RCAN2: variants seen among roughly 807,000 people sequenced by gnomAD.
RCAN2 encodes the protein calcipressin-2.
Under a neutral mutation model 23.6 loss-of-function variants are expected in RCAN2, and 9 were observed. That is an observed-to-expected ratio of 0.38 (90% CI 0.23 to 0.67). The LOEUF (loss-of-function observed/expected upper bound fraction) is 0.67, where lower values mean the gene tolerates loss of function less well. RCAN2 is among the 30% of genes least tolerant of loss of function. RCAN2 has a pLI of 0.51. For synonymous variants in RCAN2, 109 were observed against 115.7 expected, an observed-to-expected ratio of 0.94 and a Z score of 0.37; for missense variants, 273 against 302.3, an observed-to-expected ratio of 0.90 and a Z score of 0.72.
At chr6:46,427,233 A>G (rs149168396) in intron 2 of RCAN2, among the ~76,000 whole-genome samples, 1 of 152,136 alleles carries the variant, frequency 6.6e-6, no homozygotes, top group Non-Finnish European at 1.5e-5. Context: ...CCACATTATC[A>G]TCTCTTACTT....
intron 1 of RCAN2, among the ~76,000 whole-genome samples, chr6:46,460,301 G>C (rs1267636484): frequency 2.6e-5 from 4 of 152,104 alleles, no homozygotes; most frequent in Admixed American, 2.6e-4. Flanking sequence ...GCCTCAAATA[G>C]TCCTCCCATT....
intron 2 of RCAN2, among the ~76,000 whole-genome samples, chr6:46,360,533 CAAAAAAAAAAAAA>C (rs765916099): frequency 3.9e-4 from 13 of 33,502 alleles, no homozygotes; most frequent in Non-Finnish European, 6.0e-4. Context: ...GACTCCGTCT[CAAAAAAAAAAAAA>C]AAAAAAAAAA....
intron 2 of RCAN2, among the ~76,000 whole-genome samples, chr6:46,405,951 C>T (rs559551108): frequency 3.0e-4 from 45 of 152,334 alleles, no homozygotes; most frequent in African/African-American, 1.0e-3. Flanking sequence ...TCGAGCACAG[C>T]GCCGGTGGGT....
At chr6:46,370,669 A>G (rs1765299826) in intron 2 of RCAN2, among the ~76,000 whole-genome samples, 1 of 152,188 alleles carries the variant, frequency 6.6e-6, no homozygotes, top group South Asian at 2.1e-4. Context: ...GAATGCACTG[A>G]CACTCTACTC....
intron 2 of RCAN2, among the ~76,000 whole-genome samples, chr6:46,386,280 C>G (rs12110426): frequency 3.3e-5 from 5 of 151,998 alleles, no homozygotes; most frequent in African/African-American, 1.2e-4. Flanking sequence ...CTCAACATCA[C>G]TGATCATTAG....
chr6:46,340,591 T>C (rs1764285310), intron 2 of RCAN2, among the ~76,000 whole-genome samples: 1 of 152,158 alleles, frequency 6.6e-6, no homozygotes, highest in African/African-American at 2.4e-5. Context: ...TTCTAGATCT[T>C]TGAAGGACTC....
chr6:46,350,965 CTG>C (rs1344081231), intron 2 of RCAN2, among the ~76,000 whole-genome samples: 2 of 152,132 alleles, frequency 1.3e-5, no homozygotes, highest in African/African-American at 4.8e-5. Flanking sequence ...GTCATCCTGT[CTG>C]TGTTTCTGTC....
chr6:46,363,301 A>G (rs1476634225), intron 2 of RCAN2, among the ~76,000 whole-genome samples: 1 of 152,202 alleles, frequency 6.6e-6, no homozygotes, highest in East Asian at 1.9e-4. Context: ...TGTGCATAGT[A>G]TAATTTAGCT....
At chr6:46,428,094 T>A (rs551133144) in intron 2 of RCAN2, among the ~76,000 whole-genome samples, 36 of 152,336 alleles carry the variant, frequency 2.4e-4, no homozygotes, top group African/African-American at 7.9e-4. Context: ...CTGTTAGGGC[T>A]AAGCTAGGAC....
chr6:46,453,142 C>G (rs2150430206), intron 2 of RCAN2, among the ~76,000 whole-genome samples: 1 of 152,244 alleles, frequency 6.6e-6, no homozygotes, highest in Middle Eastern at 3.4e-3. Context: ...CTTCTGCAGC[C>G]CAGCTGGATC....
intron 2 of RCAN2, among the ~76,000 whole-genome samples, chr6:46,310,743 G>C (rs904438683): frequency 1.3e-5 from 2 of 152,122 alleles, no homozygotes; most frequent in African/African-American, 4.8e-5. Flanking sequence ...ATTTGTCTAA[G>C]AGTTATTTTT....
chr6:46,227,635 CT>C (rs1765719142), intron 4 of RCAN2, among the ~76,000 whole-genome samples: 1 of 121,972 alleles, frequency 8.2e-6, no homozygotes, highest in South Asian at 3.1e-4. Context: ...GTGATATCCC[CT>C]TTATCATATT....
chr6:46,385,484 G>A (rs1483427235), intron 2 of RCAN2, among the ~76,000 whole-genome samples: 16 of 152,062 alleles, frequency 1.1e-4, no homozygotes, highest in Admixed American at 7.2e-4. Flanking sequence ...CTGGGAAAAC[G>A]GGCTAGCCAT....
At chr6:46,302,684 C>T (rs1157464195) in intron 2 of RCAN2, among the ~76,000 whole-genome samples, 1 of 152,032 alleles carries the variant, frequency 6.6e-6, no homozygotes, top group Non-Finnish European at 1.5e-5. Flanking sequence ...ATGGTATCAA[C>T]TGAAACTTGG....
chr6:46,367,457 C>T (rs1190746644), intron 2 of RCAN2, among the ~76,000 whole-genome samples: 2 of 152,092 alleles, frequency 1.3e-5, no homozygotes, highest in East Asian at 3.9e-4. Context: ...TCTTGAAAGT[C>T]CCAGTATTAA....
chr6:46,285,411 T>C (rs1180991723), intron 2 of RCAN2, among the ~76,000 whole-genome samples: 1 of 152,234 alleles, frequency 6.6e-6, no homozygotes, highest in East Asian at 1.9e-4. Flanking sequence ...GGCACAGTTC[T>C]CTGGTAATGT....
intron 2 of RCAN2, among the ~76,000 whole-genome samples, chr6:46,404,524 T>C (rs1766344099): frequency 6.6e-6 from 1 of 152,212 alleles, no homozygotes; most frequent in Non-Finnish European, 1.5e-5. Context: ...ATCAAGTTCT[T>C]AAATGTGGGT....
At chr6:46,362,572 C>T (rs1765047824) in intron 2 of RCAN2, among the ~76,000 whole-genome samples, 1 of 152,088 alleles carries the variant, frequency 6.6e-6, no homozygotes, top group Admixed American at 6.6e-5. Flanking sequence ...TTAGAGCCTG[C>T]ATTACACTAC....
intron 1 of RCAN2, among the ~76,000 whole-genome samples, chr6:46,487,985 T>C (rs1769042242): frequency 6.6e-6 from 1 of 152,114 alleles, no homozygotes; most frequent in Non-Finnish European, 1.5e-5. Context: ...ATATACAGAT[T>C]TAAAATAACA....
Sources: gnomAD v4.1 joint callset for allele counts (sites outside exome capture counted in the v4.1 genomes callset) on GRCh38, gnomAD v4.1.1 for gene constraint, MANE v1.5 for transcripts, NCBI Gene and HGNC (gene_info 2026-07-23, HGNC 2026-07-21) for gene names.